The following LAIR1 variants were observed in gnomAD, a reference collection of about 807,000 sequenced individuals.
LAIR1 encodes leukocyte-associated immunoglobulin-like receptor 1.
LAIR1 carries 24 observed loss-of-function variants against 32.8 expected under a neutral mutation model. That is an observed-to-expected ratio of 0.73 (90% CI 0.53 to 1.03). The LOEUF is 1.03. Ranked by LOEUF, LAIR1 falls within the 50% of genes least tolerant of loss-of-function variation. The pLI, the probability that LAIR1 is intolerant of heterozygous loss-of-function variation, is 0.00. For missense variants in LAIR1, 355 were observed against 347.5 expected, an observed-to-expected ratio of 1.02 and a Z score of -0.17; for synonymous variants, 150 against 140.5, an observed-to-expected ratio of 1.07 and a Z score of -0.48.
chr19:54,356,350 C>A lies in LAIR1; in HGVS notation c.626+6G>T, dbSNP rs186375136. 2.3e-5 allele frequency: 37 copies of A among 1,596,104 alleles called. No individual in the cohort carries two copies. The Admixed American group carries it at 3.3e-4, about 14-fold the overall frequency. The stretch of plus-strand genomic sequence containing the variant: ...GAGGTCCAGGAGTCATTCCCAGGGG[C>A]CTCACCTCTGCTGTGGCTTCTGCTC... On this transcript the variant is annotated splice_donor_region_variant and intron_variant, in intron 7 of 9. Coordinates refer to ENST00000391742, the MANE Select transcript of LAIR1 (RefSeq NM_002287.6).
At chr19:54,371,932 G>A (rs111393471), upstream of LAIR1, among the ~76,000 whole-genome samples, 832 of 151,700 alleles carry the variant, frequency 5.5e-3, 10 homozygotes, top group Non-Finnish European at 9.0e-3. Context: ...ATTTCGTGTA[G>A]TGATATACAT....
upstream of LAIR1, among the ~76,000 whole-genome samples, chr19:54,365,821 A>T (rs1022764828): frequency 1.3e-5 from 2 of 152,084 alleles, no homozygotes; most frequent in African/African-American, 4.8e-5. Context: ...GAGCCGTCTG[A>T]ACTCCCCTGA....
rs1274687608 is a variant in LAIR1 at position 54,352,966 on chromosome 19, C to T, written c.*2302G>A. The T allele has an allele frequency of 2.6e-5, 4 of 152,202 alleles. No homozygotes were observed. Among genetic ancestry groups the T allele is most frequent in the Admixed American group, 2.6e-4 (4 of 15,274 alleles). 9.4% of individuals were successfully genotyped at this position (152,202 alleles called of 1,614,324 possible). On this transcript the variant is annotated 3_prime_UTR_variant, in exon 10 of 10. Transcript: ENST00000391742. ...CTGAGGTCGGGAGTTCAAGACCAGC[C>T]TGAGCAACATGGAGAGCCCCCCGTC... is the stretch of plus-strand genomic sequence containing the variant.
Position 54,364,893 on chromosome 19 carries a change from G to GC in LAIR1, c.-90dup, listed in dbSNP as rs1167533716. Reference sequence around the variant, plus strand: ...CAGACACAAGCAGACAGGATGTGCTGCCCGGGGGCCTCCTGCCTATGGGGC... The same window carrying GC: ...CAGACACAAGCAGACAGGATGTGCTGCCCCGGGGGCCTCCTGCCTATGGGGC... On this transcript the variant is annotated 5_prime_UTR_variant, in exon 1 of 10. Coordinates refer to ENST00000391742, the MANE Select transcript of LAIR1 (RefSeq NM_002287.6). The surrounding 1 kb of genome is among the most constrained non-coding windows in gnomAD (Gnocchi z 4.8). 6.2e-7 allele frequency: 1 copy of GC among 1,610,358 alleles called. No individual in the cohort carries two copies. The highest frequency in any genetic ancestry group is 2.2e-5 in the East Asian group (1 of 44,780).
chr19:54,367,582 T>G (rs113730261), upstream of LAIR1, among the ~76,000 whole-genome samples: 1,630 of 150,708 alleles, frequency 0.011, 27 homozygotes, highest in African/African-American at 0.037. Context: ...CCGTCTCTAC[T>G]AAAAATACAA....
At position 54,364,886 on chromosome 19, in the gene LAIR1, A is replaced by G. The variant is rs1416550143; in HGVS notation, c.-82T>C. 6.2e-7 allele frequency: 1 copy of G among 1,612,712 alleles called. No homozygotes were observed. The highest frequency in any genetic ancestry group is 1.7e-5 in the Admixed American group (1 of 59,828). ...TCTGCAGCAGACACAAGCAGACAGG[A>G]TGTGCTGCCCGGGGGCCTCCTGCCT... On this transcript the variant is annotated 5_prime_UTR_variant, in exon 1 of 10. Coordinates refer to ENST00000391742, the MANE Select transcript of LAIR1 (RefSeq NM_002287.6). This position sits in a 1 kb window ranked among gnomAD's most constrained non-coding sequence, Gnocchi z 4.8.
At chr19:54,366,807 A>G (rs56802430), upstream of LAIR1, among the ~76,000 whole-genome samples, 18,211 of 152,214 alleles carry the variant, frequency 0.12, 2,371 homozygotes, top group African/African-American at 0.31. Flanking sequence ...GAAATTTCTA[A>G]GCAACAAAGT....
At chr19:54,356,141 T>C (rs1327842322) in intron 8 of LAIR1, 89 bp downstream of exon 8, 2 of 1,405,354 alleles carry the variant, frequency 1.4e-6, no homozygotes, top group Admixed American at 1.7e-5. Context: ...TTCCCAAAGA[T>C]TCTTCCCCCC....
At chr19:54,368,172 C>T (rs1348159223), upstream of LAIR1, 1 of 152,102 alleles carries the variant, frequency 6.6e-6, no homozygotes, top group East Asian at 1.9e-4. Flanking sequence ...GAATACTGAA[C>T]CTGGAGCTCA....
At chr19:54,375,096 TA>T (rs2082478035), upstream of LAIR1, among the ~76,000 whole-genome samples, 1 of 152,230 alleles carries the variant, frequency 6.6e-6, no homozygotes, top group African/African-American at 2.4e-5. Context: ...ATGACGTCTG[TA>T]AGCTCTTGGT....
chr19:54,374,654 ATCT>A (rs1569215964), upstream of LAIR1, among the ~76,000 whole-genome samples: 1 of 152,070 alleles, frequency 6.6e-6, no homozygotes, highest in East Asian at 1.9e-4. Context: ...CTTCAAGATC[ATCT>A]TCTCCATCCC....
chr19:54,360,766 G>C, intron 3 of LAIR1, 150 bp downstream of exon 3: 1 of 646,382 alleles, frequency 1.5e-6, no homozygotes, highest in South Asian at 1.8e-5. Context: ...GGGGAGGTGT[G>C]TGCAGAGGAA....
rs7257187 is a variant in LAIR1 at position 54,355,963 on chromosome 19, C to T, written c.708G>A (p.Thr236=). The change falls in exon 9 of 10, where the codon ACG becomes ACA. Residue 236 remains threonine, a synonymous_variant. Transcript: ENST00000391742. This position sits in a 1 kb window ranked among gnomAD's most constrained non-coding sequence, Gnocchi z 4.7. Reference sequence around the variant, plus strand: ...TAGTAGGAAGGCTCACCGAGGTGTCCGTCTCTCTGTCCTTCTCAGGAAGTC... The same window carrying T: ...TAGTAGGAAGGCTCACCGAGGTGTCTGTCTCTCTGTCCTTCTCAGGAAGTC... The part of the protein sequence containing the change: ...VNGLPEKDRE[T]DTSALAAGSS... 0.32 allele frequency: 513,246 copies of T among 1,596,720 alleles called. 86,185 individuals are homozygous for T. The highest frequency in any genetic ancestry group is 0.38 in the Middle Eastern group (2,286 of 6,030).
chr19:54,355,510 C>G lies in LAIR1; in HGVS notation c.718-96G>C. On this transcript the variant is annotated intron_variant, in intron 9 of 9. Transcript: ENST00000391742. This position sits in a 1 kb window ranked among gnomAD's most constrained non-coding sequence, Gnocchi z 4.7. Reference sequence around the variant, plus strand: ...GCTGTGGCGGCCATCTCCATGGGCCCTGAGGACCCTCTCCTAAATTGCATC... The same window carrying G: ...GCTGTGGCGGCCATCTCCATGGGCCGTGAGGACCCTCTCCTAAATTGCATC... 1 of 1,120,652 alleles carries G rather than the reference C, an allele frequency of 8.9e-7. No homozygotes were observed. The highest frequency in any genetic ancestry group is 1.3e-6 in the Non-Finnish European group (1 of 795,868). 69.4% of individuals were successfully genotyped at this position (1,120,652 alleles called of 1,614,324 possible).
At chr19:54,367,675 G>A (rs192507465), upstream of LAIR1, among the ~76,000 whole-genome samples, 5 of 151,838 alleles carry the variant, frequency 3.3e-5, no homozygotes, top group African/African-American at 4.8e-5. Context: ...GAACCCGGGA[G>A]GCGGAGGCTG....
upstream of LAIR1, among the ~76,000 whole-genome samples, chr19:54,371,816 T>A (rs1362583122): frequency 6.6e-6 from 1 of 151,588 alleles, no homozygotes; most frequent in African/African-American, 2.4e-5. Context: ...TGTCCAAGCC[T>A]TTTATTCTGG....
upstream of LAIR1, among the ~76,000 whole-genome samples, chr19:54,366,973 A>C (rs1283186917): frequency 6.6e-6 from 1 of 152,206 alleles, no homozygotes; most frequent in African/African-American, 2.4e-5. Flanking sequence ...GTCCGTTTTC[A>C]GGGGAGGAAT....
rs1263508601 is a variant in LAIR1 at position 54,364,007 on chromosome 19, A to G, written c.70+288T>C. Among the ~76,000 whole-genome samples the G allele has an allele frequency of 6.6e-6, 1 of 152,166 alleles. No homozygotes were observed. The highest frequency in any genetic ancestry group is 2.4e-5 in the African/African-American group (1 of 41,386). Reference sequence around the variant, plus strand: ...TTAATCAGCTTTATTTAATCTTTCCACAATGTGTACATACGTCATAATATC... The same window carrying G: ...TTAATCAGCTTTATTTAATCTTTCCGCAATGTGTACATACGTCATAATATC... On this transcript the variant is annotated intron_variant, in intron 2 of 9. Transcript: ENST00000391742. The surrounding 1 kb of genome is among the most constrained non-coding windows in gnomAD (Gnocchi z 4.8).
intron 3 of LAIR1, 159 bp downstream of exon 3, chr19:54,360,757 G>T: frequency 1.5e-6 from 1 of 652,194 alleles, no homozygotes; most frequent in Non-Finnish European, 2.7e-6. Flanking sequence ...GAGGGCAGAG[G>T]GGAGGTGTGT....
Sources: allele counts gnomAD v4.1 joint callset (sites outside exome capture counted in the v4.1 genomes callset), GRCh38; gene constraint gnomAD v4.1.1; non-coding constraint Gnocchi (gnomAD v3.1); transcripts MANE v1.5; gene names NCBI Gene and HGNC (gene_info 2026-07-23, HGNC 2026-07-21).